The following NFXL1 variants were observed in gnomAD, a reference collection of about 807,000 sequenced individuals.
NFXL1 encodes NF-X1-type zinc finger protein NFXL1.
NFXL1 carries 66 observed loss-of-function variants against 123.3 expected under a neutral mutation model. That is an observed-to-expected ratio of 0.54 (90% CI 0.44 to 0.66). The LOEUF is 0.66. NFXL1 is among the 30% of genes least tolerant of loss of function. The pLI, the probability that NFXL1 is intolerant of heterozygous loss-of-function variation, is 0.00. For missense variants in NFXL1, 944 were observed against 1,125.6 expected (o/e 0.84, Z 2.31); for synonymous variants, 346 against 360.8 (o/e 0.96, Z 0.46).
chr4:47,857,200 A>G (rs924223924), intron 19 of NFXL1, among the ~76,000 whole-genome samples: 1 of 152,174 alleles, frequency 6.6e-6, no homozygotes, highest in Admixed American at 6.5e-5. Flanking sequence ...GGTATTTATC[A>G]TCTTGAGTAT....
Position 47,890,711 on chromosome 4 carries a change from G to T in NFXL1, c.1453-8C>A, listed in dbSNP as rs367838990. 1.3e-6 allele frequency: 2 copies of T among 1,539,390 alleles called. No homozygotes were observed. Among genetic ancestry groups the T allele is most frequent in the Non-Finnish European group, 1.8e-6 (2 of 1,112,902 alleles). Reference sequence around the variant, plus strand: ...ACAGTTTCCAGGGCAACACTGAAGAGAAAGCAATATATAAAGAACAGGTAA... The same window carrying T: ...ACAGTTTCCAGGGCAACACTGAAGATAAAGCAATATATAAAGAACAGGTAA... On this transcript the variant is annotated splice_region_variant and splice_polypyrimidine_tract_variant and intron_variant, in intron 11 of 22. Transcript: ENST00000507489.
chr4:47,893,452 G>GA (rs1362363863), intron 11 of NFXL1, among the ~76,000 whole-genome samples: 3 of 151,928 alleles, frequency 2.0e-5, no homozygotes, highest in Admixed American at 1.3e-4. Flanking sequence ...TAACCAGACA[G>GA]AAAAAAAGAG....
In NFXL1 at chr4:47,878,528, GT is replaced by G; in HGVS notation, c.2075del (p.Asn692ThrfsTer20). 1 of 1,571,172 alleles carries G rather than the reference GT, an allele frequency of 6.4e-7. No homozygotes were observed. The highest frequency in any genetic ancestry group is 8.6e-7 in the Non-Finnish European group (1 of 1,160,084). On this transcript the variant is annotated frameshift_variant, in exon 17 of 23. Transcript: ENST00000507489. LOFTEE classifies it high-confidence loss of function. Reference sequence around the variant, plus strand: ...ACATTCAATCTAAGAACATTACCTTGTTTTTTCCAGTGCAGCCATCAGTTTT... The same window carrying G: ...ACATTCAATCTAAGAACATTACCTTGTTTTTCCAGTGCAGCCATCAGTTTT... ...VTKTDGCTGK[N>X]KAGPECLHCE...
intron 12 of NFXL1, among the ~76,000 whole-genome samples, chr4:47,886,522 C>T (rs1736441377): frequency 6.6e-6 from 1 of 152,048 alleles, no homozygotes; most frequent in Admixed American, 6.6e-5. Context: ...CACACACCAC[C>T]ATGCCCAGCT....
At chr4:47,902,911 T>C (rs1259777115) in intron 5 of NFXL1, among the ~76,000 whole-genome samples, 2 of 152,156 alleles carry the variant, frequency 1.3e-5, no homozygotes, top group African/African-American at 4.8e-5. Context: ...TAGTTGGCAC[T>C]TTGGGATTTT....
intron 18 of NFXL1, among the ~76,000 whole-genome samples, chr4:47,870,538 G>A (rs1204433805): frequency 6.6e-6 from 1 of 152,032 alleles, no homozygotes; most frequent in African/African-American, 2.4e-5. Context: ...GTTAACCAAT[G>A]ATAGGAGATG....
intron 9 of NFXL1, among the ~76,000 whole-genome samples, chr4:47,897,172 C>G (rs952471038): frequency 2.0e-5 from 3 of 152,160 alleles, no homozygotes; most frequent in African/African-American, 7.2e-5. Flanking sequence ...ATGAGCCAGG[C>G]ATGGTGACAG....
intron 1 of NFXL1, 79 bp downstream of exon 1, chr4:47,914,286 A>G (rs1738001408): frequency 8.8e-7 from 1 of 1,140,334 alleles, no homozygotes. Context: ...CAGTGCGGAA[A>G]CCCGGTGTGA....
chr4:47,859,258 CAAT>C (rs1734587338), intron 19 of NFXL1, among the ~76,000 whole-genome samples: 1 of 152,078 alleles, frequency 6.6e-6, no homozygotes, highest in South Asian at 2.1e-4. Context: ...ACTTTAATTC[CAAT>C]AATAGGAAAA....
intron 19 of NFXL1, among the ~76,000 whole-genome samples, chr4:47,855,942 T>A (rs772688487): frequency 3.3e-5 from 5 of 152,178 alleles, no homozygotes; most frequent in Non-Finnish European, 7.4e-5. Context: ...TAAATCACCA[T>A]AATGGCCTGA....
At chr4:47,899,336 C>A (rs1737264043) in intron 6 of NFXL1, 34 bp downstream of exon 6, 2 of 1,550,102 alleles carry the variant, frequency 1.3e-6, no homozygotes, top group Non-Finnish European at 1.8e-6. Flanking sequence ...AAATAATCAC[C>A]CACAAACAAT....
intron 19 of NFXL1, among the ~76,000 whole-genome samples, chr4:47,858,367 T>C (rs1221188794): frequency 6.6e-6 from 1 of 152,220 alleles, no homozygotes; most frequent in African/African-American, 2.4e-5. Flanking sequence ...AAGTTGAAAT[T>C]AAACATTCCC....
At chr4:47,863,046 C>A in intron 18 of NFXL1, 131 bp from the exon 19 acceptor site, 1 of 622,120 alleles carries the variant, frequency 1.6e-6, no homozygotes, top group Admixed American at 3.2e-5. Flanking sequence ...TTAATTATTT[C>A]TCTATCTGTA....
At chr4:47,897,754 T>C (rs567117204) in intron 9 of NFXL1, among the ~76,000 whole-genome samples, 1 of 152,278 alleles carries the variant, frequency 6.6e-6, no homozygotes, top group Admixed American at 6.5e-5. Flanking sequence ...TTCATCTCTC[T>C]CTCTCTCCCC....
chr4:47,865,537 G>A (rs1178841039), intron 18 of NFXL1, among the ~76,000 whole-genome samples: 8 of 148,936 alleles, frequency 5.4e-5, no homozygotes, highest in Non-Finnish European at 1.0e-4. Flanking sequence ...AGCTCCCAAT[G>A]CAAGTATTTT....
At chr4:47,898,542 A>G (rs112036002) in intron 8 of NFXL1, among the ~76,000 whole-genome samples, 102 of 152,326 alleles carry the variant, frequency 6.7e-4, no homozygotes, top group African/African-American at 2.4e-3. Flanking sequence ...CCAAAACTCA[A>G]CAAATAGCTG....
chr4:47,889,094 T>C (rs943789953), intron 12 of NFXL1, among the ~76,000 whole-genome samples: 3 of 152,244 alleles, frequency 2.0e-5, no homozygotes, highest in Non-Finnish European at 2.9e-5. Flanking sequence ...GTTAAGGATA[T>C]GTCTATTTCC....
At chr4:47,902,202 TA>T (rs199549864) in intron 5 of NFXL1, among the ~76,000 whole-genome samples, 27 of 149,292 alleles carry the variant, frequency 1.8e-4, no homozygotes, top group Non-Finnish European at 2.2e-4. Flanking sequence ...AAAATTAAAA[TA>T]AAAAAAAAAT....
intron 3 of NFXL1, among the ~76,000 whole-genome samples, chr4:47,908,954 CAAAAA>C (rs11457014): frequency 1.1e-5 from 1 of 90,534 alleles, no homozygotes. Flanking sequence ...GACTCCGTCG[CAAAAA>C]AAAAAAAAAA....
Sources: allele counts gnomAD v4.1 joint callset (sites outside exome capture counted in the v4.1 genomes callset), GRCh38; gene constraint gnomAD v4.1.1; transcripts MANE v1.5; gene names NCBI Gene and HGNC (gene_info 2026-07-23, HGNC 2026-07-21).